Variants in CDK5RAP2 observed in about 807,000 individuals in gnomAD.
The protein encoded by CDK5RAP2 is CDK5 regulatory subunit-associated protein 2.
In CDK5RAP2, 147 loss-of-function variants were observed where a neutral mutation model predicts 232.9. The observed-to-expected ratio is 0.63, with a 90% CI of 0.55 to 0.72. The LOEUF (loss-of-function observed/expected upper bound fraction) is 0.72. CDK5RAP2 is among the 30% of genes least tolerant of loss of function. The pLI, the probability that CDK5RAP2 is intolerant of heterozygous loss-of-function variation, is 0.00. For missense variants in CDK5RAP2, 2,195 were observed against 2,231.5 expected (o/e 0.98, Z 0.33); for synonymous variants, 833 against 833.7 (o/e 1.00, Z 0.01).
rs570553431 is a variant in CDK5RAP2, at chr9:120,479,278, A to C, written c.1627-1828T>G. Among the ~76,000 whole-genome samples the C allele has an allele frequency of 1.1e-4, 16 of 152,350 alleles. 1 individual carries two copies. Among genetic ancestry groups the C allele is most frequent in the African/African-American group, 3.4e-4 (14 of 41,584 alleles). On this transcript the variant is annotated intron_variant, in intron 14 of 37. Coordinates refer to ENST00000349780, the MANE Select transcript of CDK5RAP2 (RefSeq NM_018249.6). ...ATGATGACTAATAAATGTAAAAAGA[A>C]TAATGGAATTAGAAAAATCACCCTT...
chr9:120,462,273 T>A (rs1246068601), intron 18 of CDK5RAP2, among the ~76,000 whole-genome samples: 1 of 152,208 alleles, frequency 6.6e-6, no homozygotes, highest in African/African-American at 2.4e-5. Context: ...CCTCTTTGTC[T>A]TTTGGCTTCT....
At chr9:120,535,398 G>T (rs953924171) in intron 7 of CDK5RAP2, among the ~76,000 whole-genome samples, 2 of 152,216 alleles carry the variant, frequency 1.3e-5, no homozygotes, top group Non-Finnish European at 2.9e-5. Context: ...TGAGGAACCC[G>T]GCAGTTAGGC....
At chr9:120,569,922 A>G (rs937738617) in intron 2 of CDK5RAP2, among the ~76,000 whole-genome samples, 4 of 152,144 alleles carry the variant, frequency 2.6e-5, no homozygotes, top group African/African-American at 9.7e-5. Context: ...TGATTCCGAT[A>G]CTTTAAAAGT....
chr9:120,432,391 C>T lies in CDK5RAP2; in HGVS notation c.3955+4904G>A, dbSNP rs140306525. ...TGCAACTATAGGAGTATTTGCTTAT[C>T]TTTTATTCCACAGTAAACATGTATT... is the stretch of plus-strand genomic sequence containing the variant. On this transcript the variant is annotated intron_variant, in intron 25 of 37. Transcript: ENST00000349780. 2.2e-3 allele frequency among the ~76,000 whole-genome samples: 333 copies of T among 152,252 alleles called. 2 individuals are homozygous for T. Among genetic ancestry groups the T allele is most frequent in the African/African-American group, 7.6e-3 (317 of 41,546 alleles).
chr9:120,508,884 A>G (rs948674547), intron 12 of CDK5RAP2, among the ~76,000 whole-genome samples: 1 of 152,228 alleles, frequency 6.6e-6, no homozygotes, highest in Non-Finnish European at 1.5e-5. Context: ...TTTCTTCACT[A>G]GATTCCTTCA....
At chr9:120,518,106 G>A (rs1480532009) in intron 12 of CDK5RAP2, among the ~76,000 whole-genome samples, 1 of 151,464 alleles carries the variant, frequency 6.6e-6, no homozygotes, top group Non-Finnish European at 1.5e-5. Flanking sequence ...AAACCAGAGA[G>A]AGAACATTAA....
Position 120,442,934 on chromosome 9 carries a change from G to C in CDK5RAP2, c.3148+686C>G, listed in dbSNP as rs141673996. On this transcript the variant is annotated intron_variant, in intron 23 of 37. Coordinates refer to ENST00000349780, the MANE Select transcript of CDK5RAP2 (RefSeq NM_018249.6). ...CAATTATTTCTAACAGAGTGAATTAGATCTGGATTAATAGTGATTTTTTTT... is the reference window on the plus strand; with the variant it reads ...CAATTATTTCTAACAGAGTGAATTACATCTGGATTAATAGTGATTTTTTTT... Among the ~76,000 whole-genome samples, 1,007 of 152,200 alleles carry C rather than the reference G, an allele frequency of 6.6e-3. 16 individuals are homozygous for C. The highest frequency in any genetic ancestry group is 0.023 in the African/African-American group (947 of 41,484).
At chr9:120,456,854 A>G (rs1325444139) in intron 20 of CDK5RAP2, among the ~76,000 whole-genome samples, 1 of 152,228 alleles carries the variant, frequency 6.6e-6, no homozygotes, top group South Asian at 2.1e-4. Flanking sequence ...ATAATATACT[A>G]AAGTGGTGGT....
At chr9:120,534,210 A>G (rs1160783206) in intron 7 of CDK5RAP2, among the ~76,000 whole-genome samples, 6 of 150,430 alleles carry the variant, frequency 4.0e-5, no homozygotes, top group Admixed American at 1.3e-4. Flanking sequence ...CCTCTTCCCC[A>G]CTCCTTTCCA....
At chr9:120,504,118 T>A (rs1303834375) in intron 12 of CDK5RAP2, among the ~76,000 whole-genome samples, 2 of 152,174 alleles carry the variant, frequency 1.3e-5, no homozygotes, top group Non-Finnish European at 2.9e-5. Context: ...GACAATTTCA[T>A]ATCCAGATAA....
intron 28 of CDK5RAP2, among the ~76,000 whole-genome samples, chr9:120,413,602 T>C (rs114776193): frequency 0.015 from 2,214 of 152,332 alleles, 61 homozygotes; most frequent in African/African-American, 0.051. Flanking sequence ...TTGTAGCTGG[T>C]GGCCATTTGA....
In CDK5RAP2 at chr9:120,418,808, CTCT is replaced by C. The variant is rs552251651; in HGVS notation, c.4177+977_4177+979del. 1.8e-4 allele frequency among the ~76,000 whole-genome samples: 27 copies of C among 152,288 alleles called. 1 individual carries two copies. The South Asian group carries it at 5.2e-3, about 29-fold the overall frequency. On this transcript the variant is annotated intron_variant, in intron 27 of 37. Transcript: ENST00000349780. ...TGTCTTCTGTCTTCAAACTGGGCTC[CTCT>C]GAGTCCTGAGTGTCCTCAAGAAGAC...
At chr9:120,440,602 A>AT (rs372289978) in intron 23 of CDK5RAP2, among the ~76,000 whole-genome samples, 66 of 152,350 alleles carry the variant, frequency 4.3e-4, no homozygotes, top group African/African-American at 1.5e-3. Context: ...CAAATATACT[A>AT]TGTGCTGGGT....
chr9:120,434,998 A>C (rs2035493480), intron 25 of CDK5RAP2, among the ~76,000 whole-genome samples: 1 of 152,214 alleles, frequency 6.6e-6, no homozygotes, highest in Admixed American at 6.5e-5. Context: ...TGACTCTGGA[A>C]TCATGCTAAT....
intron 5 of CDK5RAP2, among the ~76,000 whole-genome samples, chr9:120,541,106 C>T (rs1232343504): frequency 6.6e-6 from 1 of 152,184 alleles, no homozygotes. Context: ...CGAGCCTTGG[C>T]TACAGGATTT....
intron 17 of CDK5RAP2, among the ~76,000 whole-genome samples, chr9:120,468,763 T>C (rs2037526294): frequency 6.6e-6 from 1 of 152,206 alleles, no homozygotes; most frequent in African/African-American, 2.4e-5. Context: ...GGCCTGGGTC[T>C]TGCGAGGCCA....
intron 12 of CDK5RAP2, among the ~76,000 whole-genome samples, chr9:120,508,527 A>C (rs908335947): frequency 2.6e-5 from 4 of 152,224 alleles, no homozygotes; most frequent in African/African-American, 9.7e-5. Context: ...GCTAGCTGTG[A>C]TGACTGCACA....
At chr9:120,509,839 ACT>A (rs2039996952) in intron 12 of CDK5RAP2, among the ~76,000 whole-genome samples, 2 of 152,104 alleles carry the variant, frequency 1.3e-5, no homozygotes, top group Admixed American at 1.3e-4. Context: ...TGGAGCCAGG[ACT>A]CCAAACCAGT....
chr9:120,389,434 A>G, intron 37 of CDK5RAP2, 142 bp from the exon 38 acceptor site: 1 of 723,178 alleles, frequency 1.4e-6, no homozygotes, highest in East Asian at 2.7e-5. Context: ...TTACCTAATA[A>G]ACAACGATGA....
Sources: allele counts gnomAD v4.1 joint callset (sites outside exome capture counted in the v4.1 genomes callset), GRCh38; gene constraint gnomAD v4.1.1; transcripts MANE v1.5; gene names NCBI Gene and HGNC (gene_info 2026-07-23, HGNC 2026-07-21).